FAM219A: variants seen among roughly 807,000 people sequenced by gnomAD.
FAM219A encodes protein FAM219A.
FAM219A carries 7 observed loss-of-function variants against 23.4 expected under a neutral mutation model. That is an observed-to-expected ratio of 0.30 (90% confidence interval 0.17 to 0.56). The LOEUF (loss-of-function observed/expected upper bound fraction) is 0.56. Among genes scored for constraint, FAM219A ranks in the 20% least tolerant of loss-of-function variants. The probability of loss-of-function intolerance (pLI) is 0.92; values close to 1 mark genes in which losing one functional copy is unlikely to be tolerated. For missense variants in FAM219A, 166 were observed against 246.9 expected, an observed-to-expected ratio of 0.67 and a Z score of 2.20; for synonymous variants, 93 against 99.0, an observed-to-expected ratio of 0.94 and a Z score of 0.36.
chr9:34,423,329 A>G (rs1822347478), intron 1 of FAM219A, among the ~76,000 whole-genome samples: 1 of 152,194 alleles, frequency 6.6e-6, no homozygotes, highest in South Asian at 2.1e-4. Context: ...GGACTTCTCC[A>G]AAGAAAACTG....
chr9:34,451,466 A>C (rs574624965), intron 1 of FAM219A, among the ~76,000 whole-genome samples: 1 of 152,206 alleles, frequency 6.6e-6, no homozygotes, highest in African/African-American at 2.4e-5. Flanking sequence ...GAGCTCCCTG[A>C]ACCAGTTCTC....
intron 1 of FAM219A, among the ~76,000 whole-genome samples, chr9:34,412,577 TAA>T (rs1821860898): frequency 1.5e-5 from 2 of 132,384 alleles, no homozygotes; most frequent in South Asian, 5.1e-4. Flanking sequence ...CAGTGAAGAA[TAA>T]AGTCTCTCAG....
chr9:34,418,549 G>A (rs887646453), intron 1 of FAM219A, among the ~76,000 whole-genome samples: 3 of 152,184 alleles, frequency 2.0e-5, no homozygotes, highest in Admixed American at 6.5e-5. Flanking sequence ...GACTGGCTTG[G>A]CCTACTCCTG....
chr9:34,439,501 A>G lies in FAM219A; in HGVS notation c.60+18703T>C, dbSNP rs1221691803. The stretch of plus-strand genomic sequence containing the variant: ...CCACGTTAATAGACTAATTTTACAT[A>G]CTTACGTAAAATTATAAATGTGAAA... On this transcript the variant is annotated intron_variant, in intron 1 of 5. Transcript: ENST00000651358. Among the ~76,000 whole-genome samples, 6 of 152,186 alleles carry G rather than the reference A, an allele frequency of 3.9e-5. No individual in the cohort carries two copies. The East Asian group carries it at 1.2e-3, about 29-fold the overall frequency.
intron 1 of FAM219A, among the ~76,000 whole-genome samples, chr9:34,455,501 C>G (rs908928306): frequency 4.2e-5 from 6 of 141,818 alleles, no homozygotes; most frequent in African/African-American, 1.6e-4. Flanking sequence ...GAGTCTTGCT[C>G]TGTTGCCCAG....
At chr9:34,453,840 G>T (rs1399408997) in intron 1 of FAM219A, among the ~76,000 whole-genome samples, 1 of 152,200 alleles carries the variant, frequency 6.6e-6, no homozygotes, top group Non-Finnish European at 1.5e-5. Context: ...CATAGACTGT[G>T]CGGCTGCACC....
rs1822068780 is a variant in FAM219A at position 34,417,169 on chromosome 9, C to G, written c.61-11205G>C. 6.6e-6 allele frequency among the ~76,000 whole-genome samples: 1 copy of G among 151,548 alleles called. No homozygotes were observed. Among genetic ancestry groups the G allele is most frequent in the African/African-American group, 2.4e-5 (1 of 41,146 alleles). Reference sequence around the variant, plus strand: ...TGATCTCGGCTCACTGCCTCAGCCTCCTGAGTACCTGGGATTACAGGCATG... The same window carrying G: ...TGATCTCGGCTCACTGCCTCAGCCTGCTGAGTACCTGGGATTACAGGCATG... On this transcript the variant is annotated intron_variant, in intron 1 of 5. Coordinates refer to ENST00000651358, the MANE Select transcript of FAM219A (RefSeq NM_001184940.2). The surrounding 1 kb of genome is among the most constrained non-coding windows in gnomAD (Gnocchi z 4.1).
chr9:34,425,191 T>C (rs758214596), intron 1 of FAM219A, among the ~76,000 whole-genome samples: 2 of 152,026 alleles, frequency 1.3e-5, no homozygotes, highest in Non-Finnish European at 2.9e-5. Flanking sequence ...TCTGTAAAAA[T>C]AAACAAATGA....
chr9:34,419,684 T>C (rs533925093), intron 1 of FAM219A, among the ~76,000 whole-genome samples: 1 of 152,316 alleles, frequency 6.6e-6, no homozygotes, highest in East Asian at 1.9e-4. Context: ...GTCTGAATCT[T>C]GGCCCCAAAT....
rs1257829717 is a variant in FAM219A, at chr9:34,457,005, G to A, written c.60+1199C>T. Among the ~76,000 whole-genome samples the A allele has an allele frequency of 1.3e-5, 2 of 152,168 alleles. No individual in the cohort carries two copies. Among genetic ancestry groups the A allele is most frequent in the Admixed American group, 6.5e-5 (1 of 15,288 alleles). Reference sequence around the variant, plus strand: ...ACAAAGCACATCTGTCAGCCAGGGGGTTATAGGCCCAAGGGTAGACCTGTT... The same window carrying A: ...ACAAAGCACATCTGTCAGCCAGGGGATTATAGGCCCAAGGGTAGACCTGTT... On this transcript the variant is annotated intron_variant, in intron 1 of 5. Coordinates refer to ENST00000651358, the MANE Select transcript of FAM219A (RefSeq NM_001184940.2). The surrounding 1 kb of genome is among the most constrained non-coding windows in gnomAD (Gnocchi z 5.1).
rs892608338 is a variant in FAM219A, at chr9:34,447,087, G to A, written c.60+11117C>T. On this transcript the variant is annotated intron_variant, in intron 1 of 5. Transcript: ENST00000651358. ...TTGAAATTCTGTCTTGCTGAATTCA[G>A]CCAGCTACCTTTCTGAGAATAAGAG... is the stretch of plus-strand genomic sequence containing the variant. Among the ~76,000 whole-genome samples the A allele has an allele frequency of 1.4e-4, 21 of 152,188 alleles. 1 individual carries two copies. Among genetic ancestry groups the A allele is most frequent in the African/African-American group, 5.1e-4 (21 of 41,446 alleles).
intron 1 of FAM219A, among the ~76,000 whole-genome samples, chr9:34,429,410 T>G (rs2131978988): frequency 6.6e-6 from 1 of 152,226 alleles, no homozygotes; most frequent in African/African-American, 2.4e-5. Context: ...AGACTTACCC[T>G]CCTCACTCAC....
intron 1 of FAM219A, among the ~76,000 whole-genome samples, chr9:34,418,239 A>C (rs746611770): frequency 1.5e-4 from 23 of 152,052 alleles, no homozygotes; most frequent in Non-Finnish European, 2.8e-4. Context: ...AAATGAAGAG[A>C]CAGGGGGCCA....
intron 1 of FAM219A, among the ~76,000 whole-genome samples, chr9:34,411,176 C>T (rs560836223): frequency 6.6e-6 from 1 of 152,224 alleles, no homozygotes; most frequent in Non-Finnish European, 1.5e-5. Flanking sequence ...ACAGGGCACC[C>T]TGTTTCCTCT....
intron 1 of FAM219A, among the ~76,000 whole-genome samples, chr9:34,431,537 CAAAACTT>C (rs957352087): frequency 1.3e-5 from 2 of 152,098 alleles, no homozygotes; most frequent in African/African-American, 4.8e-5. Context: ...CAAAGAGCAC[CAAAACTT>C]AAAACTTAAA....
chr9:34,442,758 A>G (rs895133676), intron 1 of FAM219A, among the ~76,000 whole-genome samples: 1 of 151,998 alleles, frequency 6.6e-6, no homozygotes, highest in Non-Finnish European at 1.5e-5. Flanking sequence ...CCAACCAACC[A>G]ATTTTTAAGA....
intron 3 of FAM219A, 81 bp from the exon 4 acceptor site, chr9:34,402,548 C>T: frequency 1.3e-6 from 2 of 1,578,852 alleles, no homozygotes; most frequent in African/African-American, 1.3e-5. Flanking sequence ...CCCCGTCCCA[C>T]CACTTTCTTC....
intron 1 of FAM219A, among the ~76,000 whole-genome samples, chr9:34,442,684 C>CAAA (rs113574730): frequency 7.8e-6 from 1 of 128,180 alleles, no homozygotes; most frequent in Non-Finnish European, 1.7e-5. Context: ...GACTCCGTCT[C>CAAA]AAAAAAAAAA....
chr9:34,403,539 G>A lies in FAM219A; in HGVS notation c.161-732C>T, dbSNP rs551171954. The stretch of plus-strand genomic sequence containing the variant: ...CATTTGGCTACGCTGCCTGAGTGGT[G>A]CTCCTGACTCCTTTGCCAAGGTCTG... On this transcript the variant is annotated intron_variant, in intron 2 of 5. Transcript: ENST00000651358. 1.2e-4 allele frequency among the ~76,000 whole-genome samples: 19 copies of A among 152,330 alleles called. 1 individual carries two copies. The South Asian group carries it at 3.9e-3, about 32-fold the overall frequency.
Sources: allele counts gnomAD v4.1 joint callset (sites outside exome capture counted in the v4.1 genomes callset), GRCh38; gene constraint gnomAD v4.1.1; non-coding constraint Gnocchi (gnomAD v3.1); transcripts MANE v1.5; gene names NCBI Gene and HGNC (gene_info 2026-07-23, HGNC 2026-07-21).